Variants in NETO1 observed in about 807,000 individuals in gnomAD.
NETO1 encodes the protein neuropilin and tolloid-like protein 1.
NETO1 carries 26 observed loss-of-function variants against 61.3 expected under a neutral mutation model. That is an observed-to-expected ratio of 0.42 (90% CI 0.31 to 0.59). The LOEUF (loss-of-function observed/expected upper bound fraction) is 0.59, where lower values mean the gene tolerates loss of function less well. Ranked by LOEUF, NETO1 falls within the 20% of genes least tolerant of loss-of-function variation. The pLI is 0.12. For missense variants in NETO1, 531 were observed against 662.8 expected, an observed-to-expected ratio of 0.80 and a Z score of 2.18; for synonymous variants, 225 against 225.8, an observed-to-expected ratio of 1.00 and a Z score of 0.03.
In NETO1 at chr18:72,783,921, T is replaced by C; in HGVS notation, c.640-15A>G. The C allele has an allele frequency of 6.4e-7, 1 of 1,567,856 alleles. No individual in the cohort carries two copies. Among genetic ancestry groups the C allele is most frequent in the South Asian group, 1.1e-5 (1 of 90,030 alleles). ...CGTAAGTAAATCTATAAAACAAAAATAAAATAATTTCCACATATCAAAATA... is the reference window on the plus strand; with the variant it reads ...CGTAAGTAAATCTATAAAACAAAAACAAAATAATTTCCACATATCAAAATA... On this transcript the variant is annotated splice_polypyrimidine_tract_variant and intron_variant, in intron 6 of 10. Coordinates refer to ENST00000327305, the MANE Select transcript of NETO1 (RefSeq NM_138966.5).
chr18:72,836,800 A>G (rs982310406), intron 4 of NETO1, among the ~76,000 whole-genome samples: 1 of 152,192 alleles, frequency 6.6e-6, no homozygotes, highest in African/African-American at 2.4e-5. Context: ...GATGGATACA[A>G]TCAGATTTTT....
At chr18:72,795,145 T>G (rs1438115368) in intron 4 of NETO1, among the ~76,000 whole-genome samples, 1 of 152,188 alleles carries the variant, frequency 6.6e-6, no homozygotes, top group Non-Finnish European at 1.5e-5. Context: ...TCTAAGATGT[T>G]TTCTAATGGT....
chr18:72,787,638 T>C (rs2071967272), intron 6 of NETO1, among the ~76,000 whole-genome samples: 1 of 152,222 alleles, frequency 6.6e-6, no homozygotes, highest in African/African-American at 2.4e-5. Flanking sequence ...TTCATATCTC[T>C]CAACAACAAT....
intron 4 of NETO1, among the ~76,000 whole-genome samples, chr18:72,851,450 G>T (rs1195987105): frequency 2.0e-5 from 3 of 151,694 alleles, no homozygotes; most frequent in Non-Finnish European, 4.4e-5. Context: ...AACAAAATTC[G>T]TGGGAGATCT....
intron 4 of NETO1, among the ~76,000 whole-genome samples, chr18:72,840,678 T>C (rs1052730049): frequency 6.6e-6 from 1 of 152,150 alleles, no homozygotes; most frequent in Non-Finnish European, 1.5e-5. Flanking sequence ...TTGGAAATTA[T>C]ATTCTTAGAC....
chr18:72,802,298 G>T (rs908947189), intron 4 of NETO1, among the ~76,000 whole-genome samples: 1 of 152,118 alleles, frequency 6.6e-6, no homozygotes, highest in African/African-American at 2.4e-5. Context: ...AAGCTCACAG[G>T]AGGCTAATGA....
chr18:72,765,471 T>A lies in NETO1; in HGVS notation c.869-9324A>T, dbSNP rs569095620. Among the ~76,000 whole-genome samples the A allele has an allele frequency of 1.2e-4, 19 of 152,214 alleles. No individual in the cohort carries two copies. The East Asian group carries it at 1.9e-3, about 15-fold the overall frequency. ...TCTCACTCTGTTGTCCAGGCTGGAG[T>A]GAAGTGGCATGATCTCAGCTCACTG... On this transcript the variant is annotated intron_variant, in intron 7 of 10. Transcript: ENST00000327305.
At chr18:72,818,568 T>G (rs2073096333) in intron 4 of NETO1, among the ~76,000 whole-genome samples, 1 of 152,206 alleles carries the variant, frequency 6.6e-6, no homozygotes, top group Non-Finnish European at 1.5e-5. Context: ...TTTACCATTT[T>G]CACGACTATT....
intron 7 of NETO1, among the ~76,000 whole-genome samples, chr18:72,772,825 C>CTCTATATATATA (rs1568187563): frequency 2.4e-5 from 1 of 40,860 alleles, no homozygotes; most frequent in African/African-American, 1.1e-4. Flanking sequence ...CTCTCTCTCT[C>CTCTATATATATA]TATATATATA....
At chr18:72,778,025 C>T (rs2071615644) in intron 7 of NETO1, among the ~76,000 whole-genome samples, 1 of 152,162 alleles carries the variant, frequency 6.6e-6, no homozygotes, top group Admixed American at 6.5e-5. Flanking sequence ...GCCATGCCCC[C>T]ACAGCTTTGC....
chr18:72,812,837 T>C (rs895194597), intron 4 of NETO1, among the ~76,000 whole-genome samples: 1 of 152,126 alleles, frequency 6.6e-6, no homozygotes, highest in African/African-American at 2.4e-5. Flanking sequence ...TCTCTTGGAG[T>C]CAACAGCCCT....
At chr18:72,838,788 A>G (rs186987074) in intron 4 of NETO1, among the ~76,000 whole-genome samples, 7 of 152,348 alleles carry the variant, frequency 4.6e-5, no homozygotes, top group Middle Eastern at 3.4e-3. Context: ...GGAAAGTTAA[A>G]AGTTAAATAT....
chr18:72,771,032 T>C (rs1416466334), intron 7 of NETO1, among the ~76,000 whole-genome samples: 2 of 152,210 alleles, frequency 1.3e-5, no homozygotes, highest in Non-Finnish European at 2.9e-5. Flanking sequence ...TTTTGGTGTT[T>C]AATCTCAGAG....
chr18:72,794,440 T>C (rs377503876), intron 4 of NETO1, 36 bp from the exon 5 acceptor site: 10 of 1,568,490 alleles, frequency 6.4e-6, no homozygotes, highest in Non-Finnish European at 8.7e-6. Flanking sequence ...AGTCCCATTC[T>C]ACATTTATTA....
At chr18:72,767,915 G>A (rs532360458) in intron 7 of NETO1, among the ~76,000 whole-genome samples, 1 of 152,256 alleles carries the variant, frequency 6.6e-6, no homozygotes, top group African/African-American at 2.4e-5. Context: ...TACAATACTA[G>A]CCACCTTCTG....
intron 4 of NETO1, among the ~76,000 whole-genome samples, chr18:72,801,662 T>C (rs1166256136): frequency 6.6e-6 from 1 of 152,202 alleles, no homozygotes; most frequent in Non-Finnish European, 1.5e-5. Context: ...AACTTCAAAA[T>C]GTTTACTGAG....
chr18:72,790,549 T>C (rs1434058802), intron 6 of NETO1, among the ~76,000 whole-genome samples: 2 of 152,002 alleles, frequency 1.3e-5, no homozygotes, highest in Non-Finnish European at 2.9e-5. Flanking sequence ...TGCCAAAATA[T>C]TACTTGACTT....
At position 72,813,205 on chromosome 18, in the gene NETO1, A is replaced by G. The variant is rs138377715; in HGVS notation, c.470-18801T>C. On this transcript the variant is annotated intron_variant, in intron 4 of 10. Transcript: ENST00000327305. ...ATGTGCGAGAGAATTTTCAGTCAAC[A>G]CTTGTCATTACAGGAGAACTGCACC... is the stretch of plus-strand genomic sequence containing the variant. Among the ~76,000 whole-genome samples the G allele has an allele frequency of 2.0e-3, 298 of 152,308 alleles. 2 individuals carry two copies. Among genetic ancestry groups the G allele is most frequent in the East Asian group, 0.013 (68 of 5,182 alleles).
intron 4 of NETO1, among the ~76,000 whole-genome samples, chr18:72,854,701 T>C (rs1465638223): frequency 6.6e-6 from 1 of 152,232 alleles, no homozygotes; most frequent in Non-Finnish European, 1.5e-5. Context: ...AGTAAAAAAG[T>C]CTGTGAAATA....
Sources: allele counts gnomAD v4.1 joint callset (sites outside exome capture counted in the v4.1 genomes callset), GRCh38; gene constraint gnomAD v4.1.1; transcripts MANE v1.5; gene names NCBI Gene and HGNC (gene_info 2026-07-23, HGNC 2026-07-21).